Variants in GLRA2 observed in about 807,000 individuals in gnomAD.
GLRA2 encodes the protein glycine receptor alpha 2.
In GLRA2, 11 loss-of-function variants were observed where a neutral mutation model predicts 31.6. The ratio of observed to expected loss-of-function variants is 0.35; its 90% CI spans 0.22 to 0.58. GLRA2 has a LOEUF of 0.58. GLRA2 is among the 20% of genes least tolerant of loss of function. The pLI is 0.84. For synonymous variants in GLRA2, 132 were observed against 134.0 expected (o/e 0.99, Z 0.10); for missense variants, 212 against 351.8 (o/e 0.60, Z 3.18).
intron 8 of GLRA2, among the ~76,000 whole-genome samples, chrX:14,724,607 C>T (rs759654442): frequency 9.8e-5 from 5 of 51,021 alleles, no homozygotes; most frequent in African/African-American, 4.2e-4. Context: ...ACCTGGGTGA[C>T]AAAAGCAAAA....
intron 7 of GLRA2, among the ~76,000 whole-genome samples, chrX:14,662,361 A>G (rs2090999918): frequency 8.9e-6 from 1 of 112,007 alleles, no homozygotes; most frequent in Non-Finnish European, 1.9e-5. Context: ...TCAGAGTTGC[A>G]GAAAGCTTGG....
chrX:14,501,198 C>T, the GLRA2 span, among the ~76,000 whole-genome samples: 6 of 111,013 alleles, frequency 5.4e-5, no homozygotes, highest in Admixed American at 2.9e-4. Flanking sequence ...TATCACTCAA[C>T]CATATTTTGA....
chrX:14,495,131 A>T, the GLRA2 span, among the ~76,000 whole-genome samples: 7 of 111,762 alleles, frequency 6.3e-5, no homozygotes, highest in Admixed American at 9.5e-5. Flanking sequence ...TTGTCACCAT[A>T]CAATGAGTTT....
intron 8 of GLRA2, among the ~76,000 whole-genome samples, chrX:14,719,601 G>A (rs2091838411): frequency 9.0e-6 from 1 of 111,591 alleles, no homozygotes; most frequent in Non-Finnish European, 1.9e-5. Context: ...ATATACTGTT[G>A]GTGGGAATGT....
chrX:14,727,513 A>ACAAGT (rs1396469169), intron 8 of GLRA2, among the ~76,000 whole-genome samples: 3 of 112,054 alleles, frequency 2.7e-5, no homozygotes, highest in Non-Finnish European at 5.6e-5. Context: ...ACTGCCTATA[A>ACAAGT]CAAGTCCCCT....
chrX:14,459,429 TG>T, the GLRA2 span, among the ~76,000 whole-genome samples: 2 of 110,782 alleles, frequency 1.8e-5, no homozygotes, highest in Non-Finnish European at 3.8e-5. Flanking sequence ...GGTAGCTTGA[TG>T]GGGATGGCAT....
chrX:14,573,142 A>G (rs1383128598), intron 2 of GLRA2, among the ~76,000 whole-genome samples: 1 of 112,213 alleles, frequency 8.9e-6, no homozygotes, highest in Non-Finnish European at 1.9e-5. Context: ...TCAAAGAATA[A>G]CAACACATCT....
At chrX:14,607,567 G>GA (rs1488936241) in intron 6 of GLRA2, among the ~76,000 whole-genome samples, 3 of 111,376 alleles carry the variant, frequency 2.7e-5, no homozygotes, top group Non-Finnish European at 5.7e-5. Context: ...GAAAGATGTA[G>GA]AAAACCTCAT....
the GLRA2 span, among the ~76,000 whole-genome samples, chrX:14,477,066 C>A: frequency 1.8e-5 from 2 of 111,425 alleles, no homozygotes; most frequent in African/African-American, 6.5e-5. Flanking sequence ...AGGCAATCAT[C>A]CTCTCTTGGT....
At chrX:14,552,969 A>T (rs972567160) in intron 2 of GLRA2, among the ~76,000 whole-genome samples, 3 of 112,165 alleles carry the variant, frequency 2.7e-5, no homozygotes, top group Non-Finnish European at 5.6e-5. Context: ...ACTGTCTATT[A>T]TCATGAGCAC....
At chrX:14,651,233 G>C (rs2090887185) in intron 7 of GLRA2, among the ~76,000 whole-genome samples, 1 of 111,623 alleles carries the variant, frequency 9.0e-6, no homozygotes, top group Non-Finnish European at 1.9e-5. Context: ...AAGAATTTTT[G>C]AATACATAAA....
the GLRA2 span, among the ~76,000 whole-genome samples, chrX:14,482,712 A>G: frequency 9.0e-6 from 1 of 110,943 alleles, no homozygotes; most frequent in Non-Finnish European, 1.9e-5. Context: ...GCATGTCATC[A>G]GCAAAGATTT....
intron 2 of GLRA2, among the ~76,000 whole-genome samples, chrX:14,564,725 G>C (rs1437634851): frequency 8.9e-6 from 1 of 111,884 alleles, no homozygotes; most frequent in Non-Finnish European, 1.9e-5. Context: ...TTGTATAAGA[G>C]TGGAGCTATC....
chrX:14,627,641 G>C (rs1374526416), intron 7 of GLRA2, among the ~76,000 whole-genome samples: 1 of 111,243 alleles, frequency 9.0e-6, no homozygotes, highest in Non-Finnish European at 1.9e-5. Flanking sequence ...CACTGGAACA[G>C]TCCCACCTTT....
intron 1 of GLRA2, among the ~76,000 whole-genome samples, chrX:14,531,990 C>A (rs908157512): frequency 9.0e-6 from 1 of 111,596 alleles, no homozygotes; most frequent in African/African-American, 3.2e-5. Flanking sequence ...TGTCTGTTCT[C>A]AAACATCTTA....
At chrX:14,533,775 T>C (rs1320448597) in intron 2 of GLRA2, among the ~76,000 whole-genome samples, 1 of 111,087 alleles carries the variant, frequency 9.0e-6, no homozygotes, top group Admixed American at 9.6e-5. Flanking sequence ...TCAAAAATTT[T>C]AGTGGAGGGA....
chrX:14,455,748 A>G, the GLRA2 span, among the ~76,000 whole-genome samples: 1 of 112,002 alleles, frequency 8.9e-6, no homozygotes, highest in Non-Finnish European at 1.9e-5. Flanking sequence ...ATTTGTGTTT[A>G]ATTTTAGCAG....
At chrX:14,502,784 C>T in the GLRA2 span, among the ~76,000 whole-genome samples, 4 of 108,969 alleles carry the variant, frequency 3.7e-5, no homozygotes, top group Admixed American at 9.9e-5. Flanking sequence ...TTCTCTGTAA[C>T]GCATATCATG....
intron 7 of GLRA2, among the ~76,000 whole-genome samples, chrX:14,656,988 G>T (rs2090947684): frequency 9.0e-6 from 1 of 111,433 alleles, no homozygotes; most frequent in African/African-American, 3.3e-5. Flanking sequence ...TAACAGGAAA[G>T]CTAGGCAAAG....
Sources: gnomAD v4.1 joint callset for allele counts (sites outside exome capture counted in the v4.1 genomes callset) on GRCh38, gnomAD v4.1.1 for gene constraint, MANE v1.5 for transcripts, NCBI Gene and HGNC (gene_info 2026-07-23, HGNC 2026-07-21) for gene names.